The following LYRM7 variants were observed in gnomAD, a reference collection of about 807,000 sequenced individuals.
The protein encoded by LYRM7 is complex III assembly factor LYRM7.
Under a neutral mutation model 15.8 loss-of-function variants are expected in LYRM7, and 9 were observed. The observed-to-expected ratio is 0.57, with a 90% CI of 0.34 to 0.99. The LOEUF (loss-of-function observed/expected upper bound fraction) is 0.99, where lower values mean the gene tolerates loss of function less well. Among genes scored for constraint, LYRM7 ranks in the 50% least tolerant of loss-of-function variants. The probability of loss-of-function intolerance (pLI) is 0.02; values close to 1 mark genes in which losing one functional copy is unlikely to be tolerated. For synonymous variants in LYRM7, 39 were observed against 39.4 expected, an observed-to-expected ratio of 0.99 and a Z score of 0.04; for missense variants, 115 against 119.1, an observed-to-expected ratio of 0.97 and a Z score of 0.16.
At chr5:131,189,181 C>T (rs1165287002) in intron 4 of LYRM7, among the ~76,000 whole-genome samples, 3 of 151,304 alleles carry the variant, frequency 2.0e-5, no homozygotes, top group African/African-American at 4.9e-5. Flanking sequence ...GGTGGCTCAA[C>T]GCCTGTAATC....
intron 4 of LYRM7, among the ~76,000 whole-genome samples, chr5:131,196,299 G>C (rs530907615): frequency 2.0e-5 from 3 of 151,682 alleles, no homozygotes; most frequent in Non-Finnish European, 4.4e-5. Flanking sequence ...GTATAGGTGT[G>C]AACCACCGTG....
At chr5:131,196,742 A>G (rs145300032) in intron 4 of LYRM7, among the ~76,000 whole-genome samples, 94 of 151,032 alleles carry the variant, frequency 6.2e-4, no homozygotes, top group Non-Finnish European at 1.2e-3. Context: ...ATCTCGGCTC[A>G]CTGCAACCTC....
intron 2 of LYRM7, among the ~76,000 whole-genome samples, chr5:131,181,289 A>AT (rs1755687735): frequency 6.9e-5 from 3 of 43,418 alleles, no homozygotes; most frequent in African/African-American, 1.1e-4. Flanking sequence ...AAAAAAAAAA[A>AT]AAAAAAAAAA....
rs760623282 is a variant in LYRM7, at chr5:131,180,249, G to C, written c.91+82G>C. 392 of 935,378 alleles carry C rather than the reference G, an allele frequency of 4.2e-4. 1 individual carries two copies. The highest frequency in any genetic ancestry group is 6.3e-4 in the Admixed American group (30 of 47,558). The allele number at this position is 935,378 out of a possible 1,614,324, so 57.9% of individuals were successfully genotyped here. On this transcript the variant is annotated intron_variant, in intron 2 of 4. Coordinates refer to ENST00000379380, the MANE Select transcript of LYRM7 (RefSeq NM_181705.4). ...TCTCTGAGAAACCCTGTGTGGTCAA[G>C]ACCCATTTTAGGGAATGACCTTCAC...
At chr5:131,191,406 A>G (rs1324910526) in intron 4 of LYRM7, among the ~76,000 whole-genome samples, 2 of 152,174 alleles carry the variant, frequency 1.3e-5, no homozygotes, top group Admixed American at 1.3e-4. Context: ...GAAAAATAAT[A>G]GAAATTGAAA....
intron 4 of LYRM7, among the ~76,000 whole-genome samples, chr5:131,189,070 TG>T (rs976710626): frequency 1.3e-5 from 2 of 151,314 alleles, no homozygotes; most frequent in Non-Finnish European, 2.9e-5. Flanking sequence ...CACTTGAATG[TG>T]GGAGGCAGAG....
chr5:131,181,419 ATATATATATAACATATATATG>A (rs1200594139), intron 2 of LYRM7, among the ~76,000 whole-genome samples: 2,497 of 118,814 alleles, frequency 0.021, 156 homozygotes, highest in African/African-American at 0.077. Context: ...ATATATGTTT[ATATATATATAACATATATATG>A]TATATATATA....
At chr5:131,191,736 G>GA (rs924656891) in intron 4 of LYRM7, among the ~76,000 whole-genome samples, 19 of 152,046 alleles carry the variant, frequency 1.2e-4, no homozygotes, top group Non-Finnish European at 2.6e-4. Flanking sequence ...CAAAAAGACA[G>GA]AAAATAACAA....
At chr5:131,184,105 G>T (rs1241786945) in intron 3 of LYRM7, among the ~76,000 whole-genome samples, 1 of 152,062 alleles carries the variant, frequency 6.6e-6, no homozygotes, top group Non-Finnish European at 1.5e-5. Flanking sequence ...GAGTAGCTGG[G>T]ATTACAGGTG....
chr5:131,181,381 AAT>A (rs1249247485), intron 2 of LYRM7, among the ~76,000 whole-genome samples: 1 of 76,474 alleles, frequency 1.3e-5, no homozygotes, highest in African/African-American at 9.0e-5. Flanking sequence ...ATGTATATAT[AAT>A]ATATACATAT....
chr5:131,175,724 A>T (rs542717869), intron 1 of LYRM7, among the ~76,000 whole-genome samples: 1 of 149,686 alleles, frequency 6.7e-6, no homozygotes, highest in African/African-American at 2.5e-5. Context: ...TTGTAGATAC[A>T]GGGTTTGGCC....
rs144351090 is a variant in LYRM7 at position 131,183,133 on chromosome 5, T to G, written c.162+834T>G. Reference sequence around the variant, plus strand: ...GAATTTCCAGATGTTTAAAAAAAACTGATAAAAAATGCATTTATATTTAGT... The same window carrying G: ...GAATTTCCAGATGTTTAAAAAAAACGGATAAAAAATGCATTTATATTTAGT... On this transcript the variant is annotated intron_variant, in intron 3 of 4. Coordinates refer to ENST00000379380, the MANE Select transcript of LYRM7 (RefSeq NM_181705.4). Among the ~76,000 whole-genome samples the G allele has an allele frequency of 3.6e-3, 537 of 150,190 alleles. 12 individuals are homozygous for G. The highest frequency in any genetic ancestry group is 0.019 in the East Asian group (100 of 5,152).
rs62391397 is a variant in LYRM7 at position 131,175,160 on chromosome 5, A to T, written c.18+4122A>T. Among the ~76,000 whole-genome samples the T allele has an allele frequency of 8.8e-3, 1,096 of 124,150 alleles. 9 individuals are homozygous for T. The highest frequency in any genetic ancestry group is 0.015 in the South Asian group (68 of 4,458). The allele number at this position is 124,150 out of a possible 152,430, so 81.4% of individuals were successfully genotyped here. ...GGGTCCTAGGATTTTGGAATGACAA[A>T]TTATTGGCTTCAACTCAAAGTCACC... On this transcript the variant is annotated intron_variant, in intron 1 of 4. Coordinates refer to ENST00000379380, the MANE Select transcript of LYRM7 (RefSeq NM_181705.4).
chr5:131,194,014 A>G (rs1054346910), intron 4 of LYRM7, among the ~76,000 whole-genome samples: 1 of 152,172 alleles, frequency 6.6e-6, no homozygotes, highest in African/African-American at 2.4e-5. Flanking sequence ...CGTCTCAAAA[A>G]AAAAAAGAAA....
intron 3 of LYRM7, among the ~76,000 whole-genome samples, chr5:131,185,192 C>G (rs1362215409): frequency 6.6e-6 from 1 of 152,084 alleles, no homozygotes; most frequent in African/African-American, 2.4e-5. Flanking sequence ...TATCTCAGCA[C>G]TCTACTACTC....
At chr5:131,188,917 C>T (rs534036915) in intron 4 of LYRM7, among the ~76,000 whole-genome samples, 31 of 152,044 alleles carry the variant, frequency 2.0e-4, no homozygotes, top group African/African-American at 6.8e-4. Flanking sequence ...GAGGCCGAGG[C>T]GGGTGGATCA....
rs535729868 is a variant in LYRM7 at position 131,202,142 on chromosome 5, T to A, written c.*2541T>A. The A allele has an allele frequency of 6.6e-6, 1 of 152,078 alleles. No individual in the cohort carries two copies. The highest frequency in any genetic ancestry group is 1.5e-5 in the Non-Finnish European group (1 of 68,000). 9.4% of individuals were successfully genotyped at this position (152,078 alleles called of 1,614,324 possible). The stretch of plus-strand genomic sequence containing the variant: ...AGCCACTGCACCCTGCCTATTCTTA[T>A]AATCATATATTTATATTTCAAATGG... On this transcript the variant is annotated 3_prime_UTR_variant, in exon 5 of 5. Transcript: ENST00000379380.
intron 1 of LYRM7, among the ~76,000 whole-genome samples, chr5:131,173,793 ACT>A (rs1491436433): frequency 6.6e-6 from 1 of 152,202 alleles, no homozygotes; most frequent in Non-Finnish European, 1.5e-5. Flanking sequence ...ATAAAAAAAT[ACT>A]TTTTTGCTAT....
At chr5:131,191,581 T>A (rs563837298) in intron 4 of LYRM7, among the ~76,000 whole-genome samples, 116 of 152,222 alleles carry the variant, frequency 7.6e-4, no homozygotes, top group African/African-American at 2.7e-3. Flanking sequence ...TAATTTTTTT[T>A]AAAAATCACT....
Sources: allele counts gnomAD v4.1 joint callset (sites outside exome capture counted in the v4.1 genomes callset), GRCh38; gene constraint gnomAD v4.1.1; transcripts MANE v1.5; gene names NCBI Gene and HGNC (gene_info 2026-07-23, HGNC 2026-07-21).